The following ANKRD18A variants were observed in gnomAD, a reference collection of about 807,000 sequenced individuals.
The protein encoded by ANKRD18A is ankyrin repeat domain-containing protein 18A.
ANKRD18A carries 72 observed loss-of-function variants against 110.6 expected under a neutral mutation model. The observed-to-expected ratio is 0.65, with a 90% CI of 0.54 to 0.79. The LOEUF (loss-of-function observed/expected upper bound fraction) is 0.79. Ranked by LOEUF, ANKRD18A falls within the 30% of genes least tolerant of loss-of-function variation. The pLI is 0.00. For synonymous variants in ANKRD18A, 305 were observed against 410.3 expected (o/e 0.74, Z 3.10); for missense variants, 934 against 1,163.3 (o/e 0.80, Z 2.87).
At chr9:38,613,420 T>C (rs940833600) in intron 3 of ANKRD18A, among the ~76,000 whole-genome samples, 1 of 152,142 alleles carries the variant, frequency 6.6e-6, no homozygotes, top group African/African-American at 2.4e-5. Context: ...TGATTGTGTA[T>C]AAACCAAGTA....
intron 4 of ANKRD18A, 59 bp downstream of exon 4, chr9:38,611,156 C>T (rs1343837413): frequency 2.5e-5 from 37 of 1,481,588 alleles, no homozygotes; most frequent in African/African-American, 8.6e-5. Flanking sequence ...TGACTGTTAC[C>T]GCTCTAGAAC....
intron 8 of ANKRD18A, among the ~76,000 whole-genome samples, chr9:38,600,397 CTT>C (rs1825069715): frequency 6.6e-6 from 1 of 152,146 alleles, no homozygotes; most frequent in Admixed American, 6.6e-5. Context: ...GGGAAGAAAA[CTT>C]TTAGATTCTA....
chr9:38,590,406 C>T (rs1416761306), intron 10 of ANKRD18A, among the ~76,000 whole-genome samples: 1 of 151,950 alleles, frequency 6.6e-6, no homozygotes, highest in Non-Finnish European at 1.5e-5. Context: ...TACAGTTGCA[C>T]ACCACCAGCT....
chr9:38,573,185 C>A, intron 15 of ANKRD18A: 1 of 950,258 alleles, frequency 1.1e-6, no homozygotes. Flanking sequence ...GAAATATTAT[C>A]ATGAGATTAA....
In ANKRD18A at chr9:38,613,777, C is replaced by A. The variant is rs186371371; in HGVS notation, c.495+1817G>T. On this transcript the variant is annotated intron_variant, in intron 3 of 15. Coordinates refer to ENST00000399703, the MANE Select transcript of ANKRD18A (RefSeq NM_147195.4). ...GTCCCTAATACAACTGCAACTGAAA[C>A]AAAAAGGTTCAAGATTTGCTACCGA... 7.4e-3 allele frequency among the ~76,000 whole-genome samples: 1,122 copies of A among 152,196 alleles called. 10 individuals carry two copies. Among genetic ancestry groups the A allele is most frequent in the African/African-American group, 0.026 (1,074 of 41,510 alleles).
Position 38,595,646 on chromosome 9 carries a change from T to A in ANKRD18A, c.1694A>T (p.Lys565Met). The A allele has an allele frequency of 6.4e-7, 1 of 1,551,198 alleles. No homozygotes were observed. Among genetic ancestry groups the A allele is most frequent in the Non-Finnish European group, 8.7e-7 (1 of 1,146,640 alleles). The change falls in exon 9 of 16, where the codon AAG becomes ATG. Residue 565 changes from lysine to methionine, a missense_variant. Transcript: ENST00000399703. The part of the protein sequence containing the change: ...LLERQLEDAR[K>M]EGDNKEIVIN... ...GACTATCTCTTTATTATCGCCTTCC[T>A]TACGAGCATCCTCTAGTTGTCGTTC...
At position 38,571,531 on chromosome 9, in the gene ANKRD18A, G is replaced by C; in HGVS notation, c.*514C>G. On this transcript the variant is annotated 3_prime_UTR_variant, in exon 16 of 16. Transcript: ENST00000399703. ...AACCAGATATTTACAGAGCTTCAAA[G>C]TATCTCCACACAAAATACTATTGAG... 2.2e-6 allele frequency: 2 copies of C among 925,192 alleles called. No homozygotes were observed. Among genetic ancestry groups the C allele is most frequent in the Non-Finnish European group, 2.6e-6 (2 of 763,276 alleles). The allele number at this position is 925,192 out of a possible 1,614,324, so 57.3% of individuals were successfully genotyped here.
chr9:38,580,079 C>A (rs548662105), intron 12 of ANKRD18A, among the ~76,000 whole-genome samples: 2 of 152,286 alleles, frequency 1.3e-5, no homozygotes, highest in Non-Finnish European at 2.9e-5. Flanking sequence ...AAGATAAATA[C>A]TGCACATTCT....
intron 13 of ANKRD18A, 85 bp downstream of exon 13, chr9:38,577,782 C>T (rs769596724): frequency 1.4e-4 from 197 of 1,445,562 alleles, no homozygotes; most frequent in Non-Finnish European, 1.8e-4. Flanking sequence ...AGAGGAAACA[C>T]AATATATACA....
chr9:38,617,357 T>G (rs1056486835), intron 1 of ANKRD18A, among the ~76,000 whole-genome samples: 1 of 152,096 alleles, frequency 6.6e-6, no homozygotes, highest in African/African-American at 2.4e-5. Flanking sequence ...GGATAATCAC[T>G]TGAACCTTGG....
Position 38,611,214 on chromosome 9 carries a change from C to A in ANKRD18A, c.602+1G>T. The A allele has an allele frequency of 6.5e-7, 1 of 1,528,826 alleles. No homozygotes were observed. Among genetic ancestry groups the A allele is most frequent in the Non-Finnish European group, 8.8e-7 (1 of 1,140,432 alleles). 94.7% of individuals were successfully genotyped at this position (1,528,826 alleles called of 1,614,324 possible). ...AAAACAAAAAACAAAAACTATTGCA[C>A]CTTTTGAAATTGTCAACGGCATGTA... On this transcript the variant is annotated splice_donor_variant, in intron 4 of 15. Coordinates refer to ENST00000399703, the MANE Select transcript of ANKRD18A (RefSeq NM_147195.4). LOFTEE classifies it high-confidence loss of function.
chr9:38,574,361 G>A (rs1370785076), intron 15 of ANKRD18A, among the ~76,000 whole-genome samples: 3 of 152,228 alleles, frequency 2.0e-5, no homozygotes, highest in African/African-American at 7.2e-5. Context: ...GTGCTGCAAT[G>A]AACATACATG....
At chr9:38,566,419 A>G (rs1375921194), downstream of ANKRD18A, 2 of 152,190 alleles carry the variant, frequency 1.3e-5, no homozygotes, top group Non-Finnish European at 1.5e-5. Context: ...TCTTATTTCT[A>G]TCTGAGACCT....
chr9:38,570,115 A>C (rs1265080377), downstream of ANKRD18A, among the ~76,000 whole-genome samples: 1 of 151,310 alleles, frequency 6.6e-6, no homozygotes, highest in African/African-American at 2.4e-5. Flanking sequence ...CCTAATGAGC[A>C]CTCCCCCATT....
intron 9 of ANKRD18A, 54 bp from the exon 10 acceptor site, chr9:38,593,963 G>A: frequency 7.1e-7 from 1 of 1,401,106 alleles, no homozygotes; most frequent in East Asian, 2.6e-5. Flanking sequence ...ATTAAATTAT[G>A]TTAATATTTA....
At chr9:38,595,061 T>G (rs684419) in intron 9 of ANKRD18A, among the ~76,000 whole-genome samples, 67 of 152,258 alleles carry the variant, frequency 4.4e-4, no homozygotes, top group African/African-American at 1.6e-3. Flanking sequence ...CAAGCTGATA[T>G]AGTAAACACT....
At chr9:38,569,081 C>G (rs543425736), downstream of ANKRD18A, 1 of 985,198 alleles carries the variant, frequency 1.0e-6, no homozygotes, top group Non-Finnish European at 1.2e-6. Flanking sequence ...CCATGTTGGG[C>G]TGGTCACTAC....
At chr9:38,610,498 T>C in intron 4 of ANKRD18A, 88 bp from the exon 5 acceptor site, 1 of 1,465,444 alleles carries the variant, frequency 6.8e-7, no homozygotes, top group Non-Finnish European at 9.1e-7. Flanking sequence ...ATTTCATATC[T>C]TGCCTGTCAG....
chr9:38,603,602 G>A (rs892890361), intron 6 of ANKRD18A, among the ~76,000 whole-genome samples: 5 of 152,006 alleles, frequency 3.3e-5, no homozygotes, highest in Non-Finnish European at 7.4e-5. Context: ...GAGTAGCTAC[G>A]ACAGAGACCA....
Sources: allele counts gnomAD v4.1 joint callset (sites outside exome capture counted in the v4.1 genomes callset), GRCh38; gene constraint gnomAD v4.1.1; transcripts MANE v1.5; gene names NCBI Gene and HGNC (gene_info 2026-07-23, HGNC 2026-07-21).